The following PTPRG variants were observed in gnomAD, a reference collection of about 807,000 sequenced individuals.
PTPRG encodes receptor-type tyrosine-protein phosphatase gamma.
In PTPRG, 102 loss-of-function variants were observed where a neutral mutation model predicts 165.3. The ratio of observed to expected loss-of-function variants is 0.62; its 90% CI spans 0.53 to 0.73. The LOEUF (loss-of-function observed/expected upper bound fraction) is 0.73. PTPRG is among the 30% of genes least tolerant of loss of function. PTPRG has a pLI of 0.00. For missense variants in PTPRG, 1,866 were observed against 1,861.4 expected, an observed-to-expected ratio of 1.00 and a Z score of -0.05; for synonymous variants, 675 against 669.5, an observed-to-expected ratio of 1.01 and a Z score of -0.13.
intron 2 of PTPRG, among the ~76,000 whole-genome samples, chr3:61,914,379 C>T (rs1238242712): frequency 1.3e-5 from 2 of 152,176 alleles, no homozygotes; most frequent in Admixed American, 6.5e-5. Context: ...TTTCTGCTCC[C>T]TGCTCATTTC....
intron 1 of PTPRG, among the ~76,000 whole-genome samples, chr3:61,680,091 C>T (rs1217085771): frequency 6.6e-6 from 1 of 152,142 alleles, no homozygotes; most frequent in Non-Finnish European, 1.5e-5. Context: ...AGCAGTTGGG[C>T]CAGAACAGAA....
intron 6 of PTPRG, among the ~76,000 whole-genome samples, chr3:62,153,770 C>T (rs959210890): frequency 2.6e-5 from 4 of 152,140 alleles, no homozygotes; most frequent in South Asian, 2.1e-4. Flanking sequence ...AGGAAGGTTT[C>T]GTAACTTGCC....
chr3:61,677,768 A>AT (rs1235940831), intron 1 of PTPRG, among the ~76,000 whole-genome samples: 2 of 152,048 alleles, frequency 1.3e-5, no homozygotes, highest in Non-Finnish European at 2.9e-5. Flanking sequence ...TATTTGATAT[A>AT]TTTTTTAAGC....
chr3:61,586,310 G>C (rs72888674), intron 1 of PTPRG, among the ~76,000 whole-genome samples: 21 of 152,294 alleles, frequency 1.4e-4, no homozygotes, highest in African/African-American at 5.1e-4. Flanking sequence ...TACACTGCCA[G>C]TTGTAGTATC....
chr3:61,850,664 T>A (rs781301216), intron 2 of PTPRG, among the ~76,000 whole-genome samples: 1 of 152,216 alleles, frequency 6.6e-6, no homozygotes, highest in Non-Finnish European at 1.5e-5. Flanking sequence ...TATTTGCTTC[T>A]CCTTTACTAG....
intron 2 of PTPRG, among the ~76,000 whole-genome samples, chr3:61,887,004 G>C (rs1039496670): frequency 6.6e-6 from 1 of 150,560 alleles, no homozygotes; most frequent in Admixed American, 6.6e-5. Flanking sequence ...GAAGCATCTT[G>C]TGTGCGCTAC....
rs68046940 is a variant in PTPRG, at chr3:62,157,901, CAAACAT to C, written c.840+679_840+684del. Among the ~76,000 whole-genome samples, 1,489 of 152,324 alleles carry C rather than the reference CAAACAT, an allele frequency of 9.8e-3. 26 individuals are homozygous for C. The highest frequency in any genetic ancestry group is 0.034 in the African/African-American group (1,417 of 41,558). ...CATATCAACTTAATCAGTGGCAACA[CAAACAT>C]AGAGAGATGGGTATTCACATAGAAC... On this transcript the variant is annotated intron_variant, in intron 7 of 29. Transcript: ENST00000474889.
At chr3:61,885,464 G>A (rs2038002461) in intron 2 of PTPRG, among the ~76,000 whole-genome samples, 2 of 150,686 alleles carry the variant, frequency 1.3e-5, no homozygotes, top group South Asian at 2.1e-4. Context: ...GTGAGGACTC[G>A]TGTATGTGCA....
Position 62,240,954 on chromosome 3 carries a change from G to A in PTPRG, c.2376-2853G>A, listed in dbSNP as rs1701146149. Among the ~76,000 whole-genome samples the A allele has an allele frequency of 6.6e-6, 1 of 152,122 alleles. No homozygotes were observed. The highest frequency in any genetic ancestry group is 2.1e-4 in the South Asian group (1 of 4,824). ...AGACATAAATACTAGGAGAGTAGGT[G>A]CCTTGTGTGTCTTGTTTATCATTGT... On this transcript the variant is annotated intron_variant, in intron 14 of 29. Coordinates refer to ENST00000474889, the MANE Select transcript of PTPRG (RefSeq NM_002841.4). This position sits in a 1 kb window ranked among gnomAD's most constrained non-coding sequence, Gnocchi z 5.1.
chr3:61,880,894 T>C (rs1171831524), intron 2 of PTPRG, among the ~76,000 whole-genome samples: 2 of 151,694 alleles, frequency 1.3e-5, no homozygotes, highest in African/African-American at 4.8e-5. Flanking sequence ...TCCCAGGAGA[T>C]TTCCAATGGG....
In PTPRG at chr3:62,284,502, A is replaced by C. The variant is rs74842469; in HGVS notation, c.4055+1633A>C. On this transcript the variant is annotated intron_variant, in intron 28 of 29. Coordinates refer to ENST00000474889, the MANE Select transcript of PTPRG (RefSeq NM_002841.4). ...TAGAAATGTATTAATTCATTTATCT[A>C]CTATCTGTAGGGGATAAGTTAATTC... is the stretch of plus-strand genomic sequence containing the variant. Among the ~76,000 whole-genome samples the C allele has an allele frequency of 1.5e-3, 232 of 152,284 alleles. No individual in the cohort carries two copies. The East Asian group carries it at 0.036, about 23-fold the overall frequency.
At chr3:61,954,756 G>A (rs2039995052) in intron 2 of PTPRG, among the ~76,000 whole-genome samples, 1 of 152,200 alleles carries the variant, frequency 6.6e-6, no homozygotes, top group Admixed American at 6.5e-5. Context: ...CACTGGAAAT[G>A]TTTTGTGGTG....
At chr3:61,873,535 T>C (rs1237748907) in intron 2 of PTPRG, among the ~76,000 whole-genome samples, 1 of 152,246 alleles carries the variant, frequency 6.6e-6, no homozygotes, top group Non-Finnish European at 1.5e-5. Context: ...GCAGCATTTC[T>C]TACTTTTAGA....
intron 4 of PTPRG, among the ~76,000 whole-genome samples, chr3:62,067,283 TC>T (rs1415837111): frequency 1.3e-5 from 2 of 149,520 alleles, no homozygotes; most frequent in African/African-American, 4.9e-5. Flanking sequence ...TTTGTCAACC[TC>T]CAAAGCGTGA....
chr3:61,869,135 A>G (rs1024338674), intron 2 of PTPRG, among the ~76,000 whole-genome samples: 2 of 152,168 alleles, frequency 1.3e-5, no homozygotes, highest in South Asian at 2.1e-4. Flanking sequence ...CATCAGTTGC[A>G]TCTCCATCAA....
chr3:61,650,880 A>T (rs1308392591), intron 1 of PTPRG, among the ~76,000 whole-genome samples: 1 of 152,130 alleles, frequency 6.6e-6, no homozygotes, highest in Non-Finnish European at 1.5e-5. Context: ...TTACTTTATG[A>T]TGTAAACTAA....
chr3:61,798,486 G>T (rs1380460827), intron 2 of PTPRG, among the ~76,000 whole-genome samples: 1 of 152,122 alleles, frequency 6.6e-6, no homozygotes, highest in Non-Finnish European at 1.5e-5. Context: ...AACTCACTAT[G>T]CTTCCTCTGA....
chr3:61,672,611 CG>C (rs1194233496), intron 1 of PTPRG, among the ~76,000 whole-genome samples: 2 of 150,926 alleles, frequency 1.3e-5, no homozygotes, highest in Non-Finnish European at 3.0e-5. Flanking sequence ...TGCAGGCACT[CG>C]GCAGGCTGAG....
At chr3:61,699,317 T>C (rs1371893636) in intron 1 of PTPRG, among the ~76,000 whole-genome samples, 1 of 152,224 alleles carries the variant, frequency 6.6e-6, no homozygotes, top group African/African-American at 2.4e-5. Flanking sequence ...CTTTTTAATG[T>C]CTGCCTCAGC....
Sources: gnomAD v4.1 joint callset for allele counts (sites outside exome capture counted in the v4.1 genomes callset) on GRCh38, gnomAD v4.1.1 for gene constraint, Gnocchi (gnomAD v3.1) non-coding constraint, MANE v1.5 for transcripts, NCBI Gene and HGNC (gene_info 2026-07-23, HGNC 2026-07-21) for gene names.